The following CDK14 variants were observed in gnomAD, a reference collection of about 807,000 sequenced individuals.
The protein encoded by CDK14 is cyclin-dependent kinase 14.
In CDK14, 34 loss-of-function variants were observed where a neutral mutation model predicts 60.7. The ratio of observed to expected loss-of-function variants is 0.56; its 90% CI spans 0.43 to 0.75. CDK14 has a LOEUF of 0.75. Among genes scored for constraint, CDK14 ranks in the 30% least tolerant of loss-of-function variants. The pLI, the probability that CDK14 is intolerant of heterozygous loss-of-function variation, is 0.00. For missense variants in CDK14, 482 were observed against 564.1 expected (o/e 0.85, Z 1.47); for synonymous variants, 197 against 203.7 (o/e 0.97, Z 0.28).
At position 90,990,996 on chromosome 7, in the gene CDK14, A is replaced by T. The variant is rs74952516; in HGVS notation, c.1041+6755A>T. On this transcript the variant is annotated intron_variant, in intron 10 of 14. Transcript: ENST00000380050. ...ATATGGTCAGCTGAGCTACATTTGA[A>T]TAGCTTCCAGGAAACCAGGTCAGAA... Among the ~76,000 whole-genome samples the T allele has an allele frequency of 2.0e-3, 309 of 152,344 alleles. 7 individuals are homozygous for T. The East Asian group carries it at 0.049, about 24-fold the overall frequency.
intron 10 of CDK14, among the ~76,000 whole-genome samples, chr7:91,028,721 A>G (rs1796675287): frequency 6.6e-6 from 1 of 152,110 alleles, no homozygotes; most frequent in East Asian, 1.9e-4. Flanking sequence ...TCATTTGCAT[A>G]TCTTCTTTTG....
chr7:91,053,097 A>G (rs697415), intron 11 of CDK14, among the ~76,000 whole-genome samples: 1 of 152,160 alleles, frequency 6.6e-6, no homozygotes, highest in African/African-American at 2.4e-5. Context: ...TTCCAGAGGG[A>G]GGAAGTAAAT....
chr7:90,608,483 T>C (rs1048110011), intron 2 of CDK14: 1 of 835,384 alleles, frequency 1.2e-6, no homozygotes, highest in African/African-American at 1.8e-5. Flanking sequence ...CATGGGTAAA[T>C]TAAAAGGTTA....
chr7:91,173,193 G>A (rs1467407991), intron 14 of CDK14, among the ~76,000 whole-genome samples: 1 of 152,048 alleles, frequency 6.6e-6, no homozygotes, highest in East Asian at 1.9e-4. Flanking sequence ...ATCAAACCAG[G>A]TTCATTCTAG....
intron 10 of CDK14, among the ~76,000 whole-genome samples, chr7:91,039,962 CT>C (rs1797042974): frequency 6.6e-6 from 1 of 152,054 alleles, no homozygotes; most frequent in Admixed American, 6.6e-5. Context: ...TGGAGTGTGC[CT>C]GTCATCCCAG....
intron 2 of CDK14, among the ~76,000 whole-genome samples, chr7:90,628,017 C>T (rs1318894000): frequency 2.0e-5 from 3 of 152,162 alleles, no homozygotes; most frequent in African/African-American, 7.2e-5. Flanking sequence ...ACAAGTGGTG[C>T]AATCATGGCT....
chr7:90,781,751 G>C (rs1254823636), intron 4 of CDK14, among the ~76,000 whole-genome samples: 2 of 151,232 alleles, frequency 1.3e-5, no homozygotes, highest in East Asian at 3.9e-4. Flanking sequence ...ATTTCTGAGG[G>C]CTCTGTTCTG....
intron 5 of CDK14, among the ~76,000 whole-genome samples, chr7:90,806,085 A>C (rs1279595825): frequency 6.6e-6 from 1 of 152,198 alleles, no homozygotes; most frequent in Non-Finnish European, 1.5e-5. Context: ...TTGGATATTC[A>C]AATGCAAAAA....
chr7:90,897,438 T>C (rs925613640), intron 6 of CDK14, among the ~76,000 whole-genome samples: 3 of 152,202 alleles, frequency 2.0e-5, no homozygotes, highest in African/African-American at 7.2e-5. Context: ...ATTTTGTTTC[T>C]TGTGTGTGAA....
intron 2 of CDK14, among the ~76,000 whole-genome samples, chr7:90,692,218 C>A (rs368316041): frequency 5.3e-5 from 8 of 152,242 alleles, no homozygotes; most frequent in African/African-American, 1.9e-4. Context: ...TCGAATGCTT[C>A]TTTTTCTGTA....
chr7:91,190,403 A>C (rs1477614632), intron 14 of CDK14, among the ~76,000 whole-genome samples: 1 of 152,244 alleles, frequency 6.6e-6, no homozygotes, highest in African/African-American at 2.4e-5. Flanking sequence ...AAAACTAATG[A>C]CCACCACAGA....
chr7:90,876,519 C>G (rs955975349), intron 6 of CDK14, among the ~76,000 whole-genome samples: 2 of 152,222 alleles, frequency 1.3e-5, no homozygotes, highest in African/African-American at 4.8e-5. Context: ...TGCCCACTTC[C>G]TGGTGCCACC....
chr7:90,737,560 A>C (rs1584840905), intron 3 of CDK14, among the ~76,000 whole-genome samples: 1 of 152,138 alleles, frequency 6.6e-6, no homozygotes, highest in South Asian at 2.1e-4. Context: ...GGTTGTTACC[A>C]TGTGTGGTGT....
At chr7:90,751,297 G>A (rs1048121568) in intron 4 of CDK14, among the ~76,000 whole-genome samples, 5 of 151,788 alleles carry the variant, frequency 3.3e-5, no homozygotes, top group African/African-American at 1.2e-4. Flanking sequence ...ACATATAAAG[G>A]GAACACCATT....
chr7:91,114,006 C>A (rs1799542194), intron 13 of CDK14, among the ~76,000 whole-genome samples: 1 of 152,164 alleles, frequency 6.6e-6, no homozygotes, highest in South Asian at 2.1e-4. Context: ...CAGCTATCCT[C>A]AATTTTTTTT....
At chr7:90,723,287 T>A (rs961602150) in intron 2 of CDK14, among the ~76,000 whole-genome samples, 12 of 152,168 alleles carry the variant, frequency 7.9e-5, no homozygotes, top group Non-Finnish European at 1.2e-4. Flanking sequence ...ACATACATTT[T>A]TAAAAAATCT....
chr7:91,065,393 T>C (rs1030799965), intron 11 of CDK14, among the ~76,000 whole-genome samples: 1 of 152,170 alleles, frequency 6.6e-6, no homozygotes, highest in Non-Finnish European at 1.5e-5. Flanking sequence ...CAGTTTAGAG[T>C]AACATACATA....
chr7:90,724,601 A>G (rs1213420928), intron 2 of CDK14, among the ~76,000 whole-genome samples: 1 of 151,932 alleles, frequency 6.6e-6, no homozygotes, highest in African/African-American at 2.4e-5. Flanking sequence ...GTACTACTTT[A>G]GCTGAATCTC....
rs1019244101 is a variant in CDK14 at position 90,850,123 on chromosome 7, A to T, written c.545-13052A>T. Among the ~76,000 whole-genome samples the T allele has an allele frequency of 1.3e-5, 2 of 152,010 alleles. 1 individual carries two copies. Among genetic ancestry groups the T allele is most frequent in the Admixed American group, 1.3e-4 (2 of 15,280 alleles). The stretch of plus-strand genomic sequence containing the variant: ...TTGCTTCTTTTTAAAATTCTGTGAC[A>T]TCTATAATCTCCCTTTGTTTGTCAG... On this transcript the variant is annotated intron_variant, in intron 5 of 14. Transcript: ENST00000380050.
Sources: gnomAD v4.1 joint callset for allele counts (sites outside exome capture counted in the v4.1 genomes callset) on GRCh38, gnomAD v4.1.1 for gene constraint, MANE v1.5 for transcripts, NCBI Gene and HGNC (gene_info 2026-07-23, HGNC 2026-07-21) for gene names.